Variants in ROS1 observed in about 807,000 individuals in gnomAD.
ROS1 encodes the protein ROS proto-oncogene 1, receptor tyrosine kinase, also known as proto-oncogene tyrosine-protein kinase ROS.
In ROS1, 263 loss-of-function variants were observed where a neutral mutation model predicts 273.5. The ratio of observed to expected loss-of-function variants is 0.96; its 90% CI spans 0.87 to 1.06. The LOEUF is 1.06. Among genes scored for constraint, ROS1 ranks in the 50% least tolerant of loss-of-function variants. The pLI, the probability that ROS1 is intolerant of heterozygous loss-of-function variation, is 0.00. For missense variants in ROS1, 2,833 were observed against 2,751.1 expected (o/e 1.03, Z -0.67); for synonymous variants, 1,008 against 954.1 (o/e 1.06, Z -1.04).
chr6:117,305,711 C>A (rs1775049975), intron 42 of ROS1, among the ~76,000 whole-genome samples: 2 of 152,108 alleles, frequency 1.3e-5, no homozygotes, highest in South Asian at 2.1e-4. Context: ...TTTTAATAAT[C>A]CTAAATGTAT....
chr6:117,403,138 C>G lies in ROS1; in HGVS notation c.604+1G>C. 31 of 1,613,896 alleles carry G rather than the reference C, an allele frequency of 1.9e-5. No homozygotes were observed. Among genetic ancestry groups the G allele is most frequent in the Non-Finnish European group, 2.6e-5 (31 of 1,179,910 alleles). Reference sequence around the variant, plus strand: ...TCATAAGAAATGTGTGCACACCATACCTCCATGAGGATGAGTCCTGTAACT... The same window carrying G: ...TCATAAGAAATGTGTGCACACCATAGCTCCATGAGGATGAGTCCTGTAACT... On this transcript the variant is annotated splice_donor_variant, in intron 7 of 43. Transcript: ENST00000368507. LOFTEE classifies it high-confidence loss of function.
At chr6:117,384,965 G>T (rs989898596) in intron 16 of ROS1, among the ~76,000 whole-genome samples, 1 of 152,096 alleles carries the variant, frequency 6.6e-6, no homozygotes, top group Non-Finnish European at 1.5e-5. Context: ...CCCTCACCAG[G>T]TTCTTCCACT....
chr6:117,395,351 G>T (rs1011263907), intron 9 of ROS1, among the ~76,000 whole-genome samples: 3 of 152,078 alleles, frequency 2.0e-5, no homozygotes, highest in Non-Finnish European at 4.4e-5. Flanking sequence ...CCCTTTGGAC[G>T]TGCTTCTTAC....
rs1771891521 is a variant in ROS1, at chr6:117,379,004, T to C, written c.2582+55A>G. 4 of 1,057,614 alleles carry C rather than the reference T, an allele frequency of 3.8e-6. No homozygotes were observed. In the East Asian group the frequency reaches 9.5e-5, roughly 25 times the overall value. The allele number at this position is 1,057,614 out of a possible 1,614,324, so 65.5% of individuals were successfully genotyped here. On this transcript the variant is annotated intron_variant, in intron 18 of 43. Coordinates refer to ENST00000368507, the MANE Select transcript of ROS1 (RefSeq NM_001378902.1). ...ATAAATGAATTTCCATGCATTATCA[T>C]TTATGACTGACAAGTTTTCTTCTCA...
intron 18 of ROS1, among the ~76,000 whole-genome samples, chr6:117,378,419 A>G (rs890439754): frequency 1.3e-5 from 2 of 152,180 alleles, no homozygotes; most frequent in African/African-American, 2.4e-5. Context: ...CAAAAAGTAC[A>G]TATTTCTGGA....
chr6:117,324,547 T>C (rs1776504724), intron 34 of ROS1, 132 bp from the exon 35 acceptor site: 1 of 564,960 alleles, frequency 1.8e-6, no homozygotes, highest in Non-Finnish European at 3.1e-6. Context: ...TGTTAGACCG[T>C]TGGTAGCTTG....
At chr6:117,387,087 C>G (rs1772645046) in intron 14 of ROS1, 88 bp from the exon 15 acceptor site, 3 of 578,060 alleles carry the variant, frequency 5.2e-6, no homozygotes, top group Non-Finnish European at 9.1e-6. Context: ...TGCCTTATAT[C>G]TTATGATTTT....
chr6:117,315,212 T>C (rs113051724), intron 39 of ROS1, among the ~76,000 whole-genome samples: 1,873 of 152,064 alleles, frequency 0.012, 10 homozygotes, highest in South Asian at 0.029. Context: ...TCTATCACAA[T>C]AGAAGGCAAA....
chr6:117,339,907 T>C (rs1777796522), intron 31 of ROS1, among the ~76,000 whole-genome samples: 1 of 152,116 alleles, frequency 6.6e-6, no homozygotes, highest in African/African-American at 2.4e-5. Context: ...AAGTCAGCCC[T>C]GGGGTTTTTC....
chr6:117,403,390 A>T, intron 6 of ROS1, 113 bp from the exon 7 acceptor site: 1 of 1,062,764 alleles, frequency 9.4e-7, no homozygotes, highest in South Asian at 1.5e-5. Context: ...AAGATGAAAT[A>T]AGAGGCCTGG....
chr6:117,343,770 G>A (rs1778139878), intron 28 of ROS1, among the ~76,000 whole-genome samples: 1 of 152,102 alleles, frequency 6.6e-6, no homozygotes, highest in South Asian at 2.1e-4. Flanking sequence ...TTCTCTCTGA[G>A]GATAATTAGA....
chr6:117,303,976 C>T (rs1774924394), intron 42 of ROS1, among the ~76,000 whole-genome samples: 1 of 152,126 alleles, frequency 6.6e-6, no homozygotes, highest in African/African-American at 2.4e-5. Flanking sequence ...TATTTCGTTT[C>T]CTAACAAGCA....
rs755113234 is a variant in ROS1 at position 117,404,268 on chromosome 6, A to G, written c.465+12T>C. ...GGGGTCTGGGTTGAGGTACAAAGGC[A>G]GCCTTTCATACCTTAGTATAAGTCC... is the stretch of plus-strand genomic sequence containing the variant. On this transcript the variant is annotated intron_variant, in intron 6 of 43. Coordinates refer to ENST00000368507, the MANE Select transcript of ROS1 (RefSeq NM_001378902.1). The G allele has an allele frequency of 2.5e-5, 40 of 1,611,876 alleles. No individual in the cohort carries two copies. In the South Asian group the frequency reaches 4.4e-4, roughly 18 times the overall value.
At chr6:117,406,617 T>C (rs1405173484) in intron 5 of ROS1, among the ~76,000 whole-genome samples, 1 of 152,210 alleles carries the variant, frequency 6.6e-6, no homozygotes, top group Non-Finnish European at 1.5e-5. Context: ...AAATAAAAGA[T>C]TCCACACTTC....
intron 43 of ROS1, among the ~76,000 whole-genome samples, chr6:117,289,986 C>A (rs1773717775): frequency 6.6e-6 from 1 of 152,060 alleles, no homozygotes; most frequent in African/African-American, 2.4e-5. Context: ...TTAAGTAGTA[C>A]AGTAATCCAA....
At position 117,360,021 on chromosome 6, in the gene ROS1, A is replaced by G; in HGVS notation, c.3431-10T>C. 1.2e-6 allele frequency: 2 copies of G among 1,605,762 alleles called. No individual in the cohort carries two copies. Among genetic ancestry groups the G allele is most frequent in the South Asian group, 2.2e-5 (2 of 90,692 alleles). On this transcript the variant is annotated splice_polypyrimidine_tract_variant and intron_variant, in intron 23 of 43. Coordinates refer to ENST00000368507, the MANE Select transcript of ROS1 (RefSeq NM_001378902.1). ...GGAAATGGGTTGATTTCTGAAAGCA[A>G]AAAAACATGTAGATAATATGCATGA...
chr6:117,344,256 G>C lies in ROS1; in HGVS notation c.4310C>G (p.Ala1437Gly), dbSNP rs376021394. Reference sequence around the variant, plus strand: ...AGTGTCTGAAGCTAGAGACAGAAACGCTTTATCTAAAATAAGAAGAAACCA... The same window carrying C: ...AGTGTCTGAAGCTAGAGACAGAAACCCTTTATCTAAAATAAGAAGAAACCA... ...SSVMQPFPDK[A>G]FLSLASDTVE... Residue 1437 changes from alanine to glycine, a missense_variant, in exon 28 of 44, where the codon GCG becomes GGG. By Grantham distance (60) the Ala-to-Gly change is moderately conservative (BLOSUM62 0). Transcript: ENST00000368507. 2 of 1,611,890 alleles carry C rather than the reference G, an allele frequency of 1.2e-6. No homozygotes were observed. Among genetic ancestry groups the C allele is most frequent in the Non-Finnish European group, 1.7e-6 (2 of 1,178,326 alleles).
At chr6:117,393,354 G>T (rs373741126) in intron 11 of ROS1, 33 bp from the exon 12 acceptor site, 1 of 1,300,004 alleles carries the variant, frequency 7.7e-7, no homozygotes, top group East Asian at 2.3e-5. Flanking sequence ...GGTAGGATTA[G>T]CATCTGTCTA....
intron 4 of ROS1, among the ~76,000 whole-genome samples, chr6:117,412,515 G>A (rs139818090): frequency 8.5e-5 from 13 of 152,050 alleles, no homozygotes; most frequent in South Asian, 4.1e-4. Context: ...AGCTTCCTAC[G>A]TTCAAACATC....
Sources: gnomAD v4.1 joint callset for allele counts (sites outside exome capture counted in the v4.1 genomes callset) on GRCh38, gnomAD v4.1.1 for gene constraint, MANE v1.5 for transcripts, NCBI Gene and HGNC (gene_info 2026-07-23, HGNC 2026-07-21) for gene names.